RBPJ: variants seen among roughly 807,000 people sequenced by gnomAD.
RBPJ encodes recombining binding protein suppressor of hairless.
Under a neutral mutation model 67.8 loss-of-function variants are expected in RBPJ, and 9 were observed. The ratio of observed to expected loss-of-function variants is 0.13; its 90% CI spans 0.08 to 0.23. The LOEUF (loss-of-function observed/expected upper bound fraction) is 0.23. Among genes scored for constraint, RBPJ ranks in the 10% least tolerant of loss-of-function variants. The pLI is 1.00. For missense variants in RBPJ, 305 were observed against 595.6 expected (o/e 0.51, Z 5.08); for synonymous variants, 198 against 203.3 (o/e 0.97, Z 0.22).
intron 1 of RBPJ, among the ~76,000 whole-genome samples, chr4:26,195,471 T>A (rs1717723274): frequency 6.6e-6 from 1 of 152,182 alleles, no homozygotes; most frequent in African/African-American, 2.4e-5. Context: ...ATAATAATAA[T>A]GATAAGTTTT....
intron 1 of RBPJ, among the ~76,000 whole-genome samples, chr4:26,374,733 G>A (rs1729530754): frequency 6.6e-6 from 1 of 152,138 alleles, no homozygotes; most frequent in Non-Finnish European, 1.5e-5. Flanking sequence ...CTCCCAAAGT[G>A]CTGGGATTAC....
the RBPJ span, among the ~76,000 whole-genome samples, chr4:26,127,104 TG>T: frequency 6.6e-6 from 1 of 152,122 alleles, no homozygotes; most frequent in Non-Finnish European, 1.5e-5. Flanking sequence ...TGATCTTGGG[TG>T]GGGTGACTTT....
At position 26,345,314 on chromosome 4, in the gene RBPJ, A is replaced by G. The variant is rs34543211; in HGVS notation, c.20+24266A>G. Among the ~76,000 whole-genome samples the G allele has an allele frequency of 9.5e-3, 1,440 of 152,350 alleles. 19 individuals carry two copies. Among genetic ancestry groups the G allele is most frequent in the African/African-American group, 0.033 (1,375 of 41,578 alleles). On this transcript the variant is annotated intron_variant, in intron 1 of 10. Transcript: ENST00000355476. ...TCTTGGACAGCTTATATGAATAATT[A>G]AAGTGTTGAGGCAGTTAAAATTTAT... is the stretch of plus-strand genomic sequence containing the variant.
At chr4:26,413,774 G>A (rs1042749765) in intron 3 of RBPJ, among the ~76,000 whole-genome samples, 8 of 152,166 alleles carry the variant, frequency 5.3e-5, no homozygotes, top group Non-Finnish European at 2.9e-5. Context: ...CAGCCTGCTG[G>A]TGTCTGCTTG....
intron 1 of RBPJ, among the ~76,000 whole-genome samples, chr4:26,245,913 TTCAC>T (rs1235794892): frequency 6.6e-6 from 1 of 152,238 alleles, no homozygotes; most frequent in Non-Finnish European, 1.5e-5. Context: ...ATTCAATTCT[TTCAC>T]TCTATATGTC....
At position 26,430,436 on chromosome 4, in the gene RBPJ, C is replaced by T. The variant is rs563677515; in HGVS notation, c.1062C>T (p.Asp354=). Residue 354 remains aspartate, a synonymous_variant, in exon 10 of 11, where the codon GAC becomes GAT. Coordinates refer to ENST00000355476, the MANE Select transcript of RBPJ (RefSeq NM_015874.6). This position sits in a 1 kb window ranked among gnomAD's most constrained non-coding sequence, Gnocchi z 4.1. ...AATTGCAGTTGAATGGCGGTGGGGA[C>T]GTAGCAATGCTTGAACTTACAGGAC... The part of the protein sequence containing the change: ...VESLQLNGGG[D]VAMLELTGQN... 1.9e-5 allele frequency: 31 copies of T among 1,611,546 alleles called. No homozygotes were observed. The highest frequency in any genetic ancestry group is 2.5e-5 in the Non-Finnish European group (30 of 1,179,242).
chr4:26,337,746 C>T (rs1283202622), intron 1 of RBPJ, among the ~76,000 whole-genome samples: 1 of 137,020 alleles, frequency 7.3e-6, no homozygotes. Flanking sequence ...GAGTGCAGTG[C>T]TACAGTCATA....
upstream of RBPJ, among the ~76,000 whole-genome samples, chr4:26,318,453 T>C (rs1036536783): frequency 6.6e-6 from 1 of 152,112 alleles, no homozygotes; most frequent in East Asian, 1.9e-4. Context: ...TAAAATGGAA[T>C]ATTGCAATAA....
the RBPJ span, among the ~76,000 whole-genome samples, chr4:26,130,614 C>T: frequency 2.6e-5 from 4 of 152,154 alleles, no homozygotes; most frequent in Non-Finnish European, 4.4e-5. Flanking sequence ...TTTCCACATT[C>T]ACGACTCCCA....
chr4:26,426,331 CAAT>C (rs1489912381), intron 7 of RBPJ, among the ~76,000 whole-genome samples: 1 of 152,150 alleles, frequency 6.6e-6, no homozygotes, highest in East Asian at 1.9e-4. Flanking sequence ...AAATTTAAAA[CAAT>C]GTTTTCATTT....
upstream of RBPJ, chr4:26,320,628 C>G: frequency 8.9e-7 from 1 of 1,127,992 alleles, no homozygotes; most frequent in Non-Finnish European, 1.2e-6. Context: ...ACCCCTCCTC[C>G]CTTCTCCTCG....
intron 1 of RBPJ, among the ~76,000 whole-genome samples, chr4:26,246,904 T>A (rs7672733): frequency 0.3 from 44,958 of 151,446 alleles, 6,990 homozygotes; most frequent in African/African-American, 0.39. Context: ...ATTTATAAGC[T>A]TCTCATTCAT....
rs1214319358 is a variant in RBPJ at position 26,215,323 on chromosome 4, A to C, written c.-167+51709A>C. 3.6e-5 allele frequency among the ~76,000 whole-genome samples: 3 copies of C among 83,466 alleles called. 1 individual carries two copies. The highest frequency in any genetic ancestry group is 6.9e-5 in the Non-Finnish European group (3 of 43,532). The allele number at this position is 83,466 out of a possible 152,430, so 54.8% of individuals were successfully genotyped here. On this transcript the variant is annotated intron_variant, in intron 1 of 4. Coordinates refer to the RBPJ transcript ENST00000512351. The stretch of plus-strand genomic sequence containing the variant: ...AAGAGAGAGAAAAGAGAAAGAAAGA[A>C]AGAAAAAGAGAGAGAGAAAGAAAGA...
chr4:26,192,251 C>T (rs1249428774), intron 1 of RBPJ, among the ~76,000 whole-genome samples: 1 of 152,186 alleles, frequency 6.6e-6, no homozygotes, highest in African/African-American at 2.4e-5. Context: ...AAGTGACCTG[C>T]CCGCCTCGAC....
intron 1 of RBPJ, among the ~76,000 whole-genome samples, chr4:26,281,851 T>TA (rs1721283671): frequency 1.3e-5 from 2 of 152,224 alleles, no homozygotes; most frequent in Admixed American, 1.3e-4. Context: ...ACAGAAGAGT[T>TA]ACGCTAATTT....
chr4:26,401,694 TGC>T (rs1732822816), intron 2 of RBPJ, among the ~76,000 whole-genome samples: 1 of 152,142 alleles, frequency 6.6e-6, no homozygotes, highest in Non-Finnish European at 1.5e-5. Context: ...ACAAACACAA[TGC>T]AGTTACTGCT....
chr4:26,297,114 G>T (rs898969994), intron 1 of RBPJ, among the ~76,000 whole-genome samples: 1 of 152,110 alleles, frequency 6.6e-6, no homozygotes, highest in Non-Finnish European at 1.5e-5. Context: ...AGGCAACACA[G>T]CGAGCCCCGG....
chr4:26,399,801 C>G (rs1003577181), intron 2 of RBPJ, among the ~76,000 whole-genome samples: 1 of 152,034 alleles, frequency 6.6e-6, no homozygotes, highest in African/African-American at 2.4e-5. Context: ...TTCCCTGCCT[C>G]CTGAGTAGCT....
the RBPJ span, among the ~76,000 whole-genome samples, chr4:26,152,626 T>C: frequency 9.1e-4 from 139 of 152,364 alleles, no homozygotes; most frequent in Admixed American, 1.5e-3. Context: ...CTTACCTCAA[T>C]TTTTAAATTG....
Sources: gnomAD v4.1 joint callset for allele counts (sites outside exome capture counted in the v4.1 genomes callset) on GRCh38, gnomAD v4.1.1 for gene constraint, Gnocchi (gnomAD v3.1) non-coding constraint, MANE v1.5 for transcripts, NCBI Gene and HGNC (gene_info 2026-07-23, HGNC 2026-07-21) for gene names.